Variants in SORCS1 observed in about 807,000 individuals in gnomAD.
SORCS1 encodes VPS10 domain-containing receptor SorCS1.
SORCS1 carries 60 observed loss-of-function variants against 146.1 expected under a neutral mutation model. The observed-to-expected ratio is 0.41, with a 90% CI of 0.33 to 0.51. The LOEUF is 0.51. Among genes scored for constraint, SORCS1 ranks in the 20% least tolerant of loss-of-function variants. The pLI is 0.21. For missense variants in SORCS1, 1,352 were observed against 1,487.6 expected (o/e 0.91, Z 1.50); for synonymous variants, 637 against 584.0 (o/e 1.09, Z -1.31).
At chr10:106,951,010 A>G (rs1423290138) in intron 2 of SORCS1, among the ~76,000 whole-genome samples, 1 of 152,228 alleles carries the variant, frequency 6.6e-6, no homozygotes, top group East Asian at 1.9e-4. Context: ...ACATGAGGAA[A>G]GTAAAGAAGC....
chr10:106,654,659 C>T lies in SORCS1; in HGVS notation c.2304-2106G>A, dbSNP rs114861446. Reference sequence around the variant, plus strand: ...ATTGGTTATTACCACATCCCCAAACCCTCCAAGCATCTCACTTACCAACCC... The same window carrying T: ...ATTGGTTATTACCACATCCCCAAACTCTCCAAGCATCTCACTTACCAACCC... On this transcript the variant is annotated intron_variant, in intron 17 of 25. Transcript: ENST00000263054. Among the ~76,000 whole-genome samples, 345 of 152,184 alleles carry T rather than the reference C, an allele frequency of 2.3e-3. 5 individuals are homozygous for T. Among genetic ancestry groups the T allele is most frequent in the African/African-American group, 8.0e-3 (333 of 41,520 alleles).
chr10:106,579,610 T>A (rs1165834232), intron 24 of SORCS1, 136 bp from the exon 25 acceptor site: 1 of 839,300 alleles, frequency 1.2e-6, no homozygotes, highest in Non-Finnish European at 1.9e-6. Flanking sequence ...AAGATGCATG[T>A]CACATGGCTG....
At chr10:106,824,174 C>G (rs990052258) in intron 3 of SORCS1, among the ~76,000 whole-genome samples, 1 of 151,490 alleles carries the variant, frequency 6.6e-6, no homozygotes, top group African/African-American at 2.4e-5. Context: ...TGTGGTGGTG[C>G]ATGCCTTTAG....
chr10:107,112,939 G>A (rs1965788897), intron 1 of SORCS1, among the ~76,000 whole-genome samples: 1 of 152,136 alleles, frequency 6.6e-6, no homozygotes, highest in Admixed American at 6.5e-5. Context: ...TTTCAACAAT[G>A]GATAGATCAT....
At chr10:106,908,158 A>T (rs1951995504) in intron 2 of SORCS1, among the ~76,000 whole-genome samples, 1 of 151,826 alleles carries the variant, frequency 6.6e-6, no homozygotes, top group Non-Finnish European at 1.5e-5. Context: ...GAATCCCTGG[A>T]CTCTAAATGG....
intron 3 of SORCS1, among the ~76,000 whole-genome samples, chr10:106,779,105 T>A (rs549290649): frequency 5.9e-5 from 9 of 152,290 alleles, no homozygotes; most frequent in South Asian, 4.1e-4. Context: ...GCGACTCGTA[T>A]CTTTGGCTTT....
rs534900867 is a variant in SORCS1, at chr10:106,887,791, T to A, written c.627-58118A>T. Among the ~76,000 whole-genome samples the A allele has an allele frequency of 2.6e-5, 4 of 152,308 alleles. No homozygotes were observed. The East Asian group carries it at 7.7e-4, about 29-fold the overall frequency. On this transcript the variant is annotated intron_variant, in intron 2 of 25. Coordinates refer to ENST00000263054, the MANE Select transcript of SORCS1 (RefSeq NM_052918.5). The stretch of plus-strand genomic sequence containing the variant: ...TAAGCTACATTCTGTAATGTTTACA[T>A]GACTATTATTTTTTCATTACAAATA...
intron 19 of SORCS1, among the ~76,000 whole-genome samples, chr10:106,621,625 C>T (rs759638516): frequency 6.6e-6 from 1 of 151,882 alleles, no homozygotes; most frequent in African/African-American, 2.4e-5. Flanking sequence ...TTCTTTGCCT[C>T]CAGCAATCAA....
At position 106,644,948 on chromosome 10, in the gene SORCS1, G is replaced by T. The variant is rs144969419; in HGVS notation, c.2475+7434C>A. ...TGCATATTATCTTACATACATTCTG[G>T]TGCATATGTGTATGCATTTCTGATG... On this transcript the variant is annotated intron_variant, in intron 18 of 25. Coordinates refer to ENST00000263054, the MANE Select transcript of SORCS1 (RefSeq NM_052918.5). 7.9e-5 allele frequency among the ~76,000 whole-genome samples: 12 copies of T among 152,156 alleles called. No individual in the cohort carries two copies. In the East Asian group the frequency reaches 2.3e-3, roughly 29 times the overall value.
At chr10:106,618,310 TTTAG>T in intron 20 of SORCS1, 38 bp from the exon 21 acceptor site, 1 of 1,607,428 alleles carries the variant, frequency 6.2e-7, no homozygotes, top group Non-Finnish European at 8.5e-7. Context: ...GGGAAAGCTC[TTTAG>T]TTACAGGTGA....
At chr10:107,123,273 A>C (rs1966510833) in intron 1 of SORCS1, among the ~76,000 whole-genome samples, 1 of 152,242 alleles carries the variant, frequency 6.6e-6, no homozygotes, top group South Asian at 2.1e-4. Context: ...TCTGATGTTG[A>C]AAGCTTAGAC....
At chr10:107,166,348 A>G (rs1970050974), upstream of SORCS1, among the ~76,000 whole-genome samples, 1 of 152,362 alleles carries the variant, frequency 6.6e-6, no homozygotes, top group East Asian at 1.9e-4. Context: ...TATCAATCCA[A>G]TCCAGAGAGG....
intron 18 of SORCS1, among the ~76,000 whole-genome samples, chr10:106,643,151 C>T (rs1168503648): frequency 6.6e-6 from 1 of 152,176 alleles, no homozygotes; most frequent in Non-Finnish European, 1.5e-5. Flanking sequence ...TTTGTGTGAT[C>T]TCAGGTAAGT....
rs1278974731 is a variant in SORCS1 at position 106,781,261 on chromosome 10, TTCTTC to T, written c.727-4574_727-4570del. Among the ~76,000 whole-genome samples, 8 of 152,328 alleles carry T rather than the reference TTCTTC, an allele frequency of 5.3e-5. No homozygotes were observed. In the South Asian group the frequency reaches 1.0e-3, roughly 20 times the overall value. Reference sequence around the variant, plus strand: ...TATGTGGCGTGGAGTTAATAAAAAGTTCTTCACCACCTCCGGGCATATACTTTTTC... The same window carrying T: ...TATGTGGCGTGGAGTTAATAAAAAGTACCACCTCCGGGCATATACTTTTTC... On this transcript the variant is annotated intron_variant, in intron 3 of 25. Transcript: ENST00000263054.
the SORCS1 span, among the ~76,000 whole-genome samples, chr10:107,177,535 A>G: frequency 6.6e-6 from 1 of 152,348 alleles, no homozygotes; most frequent in East Asian, 1.9e-4. Flanking sequence ...CTGTTGCACA[A>G]TGTGGTCATT....
intron 7 of SORCS1, 64 bp from the exon 8 acceptor site, chr10:106,706,698 A>T: frequency 1.4e-6 from 2 of 1,454,074 alleles, no homozygotes; most frequent in Non-Finnish European, 1.9e-6. Flanking sequence ...GTCACAGAAC[A>T]GTCACCTGAA....
intron 24 of SORCS1, among the ~76,000 whole-genome samples, chr10:106,579,692 GC>G (rs1005956339): frequency 6.0e-5 from 9 of 150,298 alleles, no homozygotes; most frequent in African/African-American, 2.2e-4. Context: ...GCAATGAAAA[GC>G]ACAGACCCCA....
chr10:106,981,863 G>C (rs1956258073), intron 1 of SORCS1, among the ~76,000 whole-genome samples: 1 of 152,134 alleles, frequency 6.6e-6, no homozygotes, highest in South Asian at 2.1e-4. Context: ...GATGCTCCTG[G>C]TGTCTATTAG....
chr10:107,136,956 A>T (rs1967353568), intron 1 of SORCS1, among the ~76,000 whole-genome samples: 1 of 152,174 alleles, frequency 6.6e-6, no homozygotes, highest in Non-Finnish European at 1.5e-5. Context: ...TATCTTCTAC[A>T]GATGTAAGGC....
Sources: allele counts gnomAD v4.1 joint callset (sites outside exome capture counted in the v4.1 genomes callset), GRCh38; gene constraint gnomAD v4.1.1; transcripts MANE v1.5; gene names NCBI Gene and HGNC (gene_info 2026-07-23, HGNC 2026-07-21).